PRTFDC1: variants seen among roughly 807,000 people sequenced by gnomAD.
PRTFDC1 encodes the protein phosphoribosyltransferase domain-containing protein 1.
Under a neutral mutation model 34.6 loss-of-function variants are expected in PRTFDC1, and 38 were observed. That is an observed-to-expected ratio of 1.10 (90% CI 0.85 to 1.44). The LOEUF is 1.44. Ranked by LOEUF, PRTFDC1 falls within the 40% of genes most tolerant of loss-of-function variation. The probability of loss-of-function intolerance (pLI) is 0.00; values close to 1 mark genes in which losing one functional copy is unlikely to be tolerated. For synonymous variants in PRTFDC1, 93 were observed against 98.1 expected, an observed-to-expected ratio of 0.95 and a Z score of 0.31; for missense variants, 270 against 283.0, an observed-to-expected ratio of 0.95 and a Z score of 0.33.
At chr10:24,939,793 C>CAAAAAAAAAAAAAAAAAAAAAAAAA (rs55974992) in intron 2 of PRTFDC1, among the ~76,000 whole-genome samples, 1 of 71,540 alleles carries the variant, frequency 1.4e-5, no homozygotes, top group African/African-American at 5.6e-5. Flanking sequence ...GACTCTATCT[C>CAAAAAAAAAAAAAAAAAAAAAAAAA]AAAAAAAAAA....
chr10:24,905,776 A>G (rs1328125592), intron 3 of PRTFDC1, among the ~76,000 whole-genome samples: 2 of 152,124 alleles, frequency 1.3e-5, no homozygotes, highest in East Asian at 3.9e-4. Flanking sequence ...TCAGTTATCT[A>G]TTAATTTAAT....
chr10:24,947,831 A>G (rs1298032365), intron 1 of PRTFDC1, among the ~76,000 whole-genome samples: 1 of 152,032 alleles, frequency 6.6e-6, no homozygotes, highest in Non-Finnish European at 1.5e-5. Flanking sequence ...AAAGAATCCC[A>G]GACAGGAATT....
At chr10:24,897,171 C>T (rs556570773) in intron 3 of PRTFDC1, among the ~76,000 whole-genome samples, 4 of 152,250 alleles carry the variant, frequency 2.6e-5, no homozygotes, top group African/African-American at 9.6e-5. Context: ...TATGAAGCCA[C>T]TATACTCCAG....
intron 3 of PRTFDC1, among the ~76,000 whole-genome samples, chr10:24,900,840 TA>T (rs1848438454): frequency 6.6e-6 from 1 of 152,222 alleles, no homozygotes; most frequent in African/African-American, 2.4e-5. Flanking sequence ...ACATTTTATA[TA>T]AATAAAAATC....
intron 3 of PRTFDC1, among the ~76,000 whole-genome samples, chr10:24,902,060 A>G (rs1848458404): frequency 6.6e-6 from 1 of 152,218 alleles, no homozygotes; most frequent in Admixed American, 6.5e-5. Context: ...ATCCCTGCAC[A>G]GCTGCAGTGG....
intron 3 of PRTFDC1, among the ~76,000 whole-genome samples, chr10:24,931,292 C>T (rs1564316755): frequency 6.6e-6 from 1 of 151,882 alleles, no homozygotes; most frequent in Non-Finnish European, 1.5e-5. Flanking sequence ...AAGAAAATCT[C>T]AAATCTATGA....
intron 3 of PRTFDC1, among the ~76,000 whole-genome samples, chr10:24,885,299 T>C (rs1588591350): frequency 6.6e-6 from 1 of 152,370 alleles, no homozygotes; most frequent in East Asian, 1.9e-4. Context: ...ATTACTTACA[T>C]GAATCCTAAC....
chr10:24,891,666 C>G, intron 3 of PRTFDC1, among the ~76,000 whole-genome samples: 1 of 151,920 alleles, frequency 6.6e-6, no homozygotes, highest in South Asian at 2.1e-4. Context: ...ACTCGGGAGG[C>G]TGAGGTGTGA....
At position 24,852,365 on chromosome 10, in the gene PRTFDC1, C is replaced by T. The variant is rs542038957; in HGVS notation, c.554-901G>A. Among the ~76,000 whole-genome samples the T allele has an allele frequency of 2.3e-3, 355 of 152,196 alleles. 2 individuals are homozygous for T. The highest frequency in any genetic ancestry group is 7.9e-3 in the African/African-American group (327 of 41,528). On this transcript the variant is annotated intron_variant, in intron 7 of 8. Coordinates refer to ENST00000320152, the MANE Select transcript of PRTFDC1 (RefSeq NM_020200.7). ...ATGGGGTTTCACCATGTTGGCCAGGCCAGTCTCGAACTCTTGACCTCAAGT... is the reference window on the plus strand; with the variant it reads ...ATGGGGTTTCACCATGTTGGCCAGGTCAGTCTCGAACTCTTGACCTCAAGT...
At chr10:24,908,693 A>G in intron 3 of PRTFDC1, 1 of 1,585,910 alleles carries the variant, frequency 6.3e-7, no homozygotes, top group Non-Finnish European at 8.6e-7. Flanking sequence ...CAGCTTTGGG[A>G]GAGACACACA....
intron 3 of PRTFDC1, among the ~76,000 whole-genome samples, chr10:24,916,553 A>G (rs112590449): frequency 5.9e-5 from 9 of 152,218 alleles, no homozygotes; most frequent in East Asian, 1.9e-4. Flanking sequence ...TGTCAAGCAC[A>G]TTGCCACCTA....
intron 4 of PRTFDC1, among the ~76,000 whole-genome samples, chr10:24,869,738 G>C (rs1020783312): frequency 5.9e-5 from 9 of 152,276 alleles, no homozygotes; most frequent in Admixed American, 5.9e-4. Context: ...TCTCCTATGA[G>C]GAAGCCTTTC....
At chr10:24,873,539 T>C (rs530388684) in intron 3 of PRTFDC1, among the ~76,000 whole-genome samples, 1 of 152,338 alleles carries the variant, frequency 6.6e-6, no homozygotes, top group Non-Finnish European at 1.5e-5. Flanking sequence ...TCACTTTTGC[T>C]AGCTCAGCAC....
intron 3 of PRTFDC1, among the ~76,000 whole-genome samples, chr10:24,894,257 GGAACCAGAGGTTGCAGTGAGCCAA>G (rs1314597367): frequency 1.3e-5 from 2 of 151,670 alleles, no homozygotes; most frequent in African/African-American, 4.9e-5. Flanking sequence ...CTTGAACCTG[GGAACCAGAGGTTGCAGTGAGCCAA>G]GATCATGCTG....
chr10:24,879,630 G>A (rs1223966363), intron 3 of PRTFDC1, among the ~76,000 whole-genome samples: 1 of 152,124 alleles, frequency 6.6e-6, no homozygotes, highest in East Asian at 1.9e-4. Flanking sequence ...TTACAGGAAT[G>A]AGCCACCATG....
chr10:24,880,183 T>C (rs1848041886), intron 3 of PRTFDC1, among the ~76,000 whole-genome samples: 1 of 152,228 alleles, frequency 6.6e-6, no homozygotes, highest in Non-Finnish European at 1.5e-5. Flanking sequence ...GCCTGGTATT[T>C]TATAATAAAT....
In PRTFDC1 at chr10:24,851,433, C is replaced by A. The variant is rs1277182257; in HGVS notation, c.585G>T (p.Val195=). The A allele has an allele frequency of 6.2e-7, 1 of 1,611,752 alleles. No individual in the cohort carries two copies. The highest frequency in any genetic ancestry group is 8.5e-7 in the Non-Finnish European group (1 of 1,179,534). Residue 195 remains valine (V), a synonymous_variant, in exon 8 of 9, where the codon GTG becomes GTT. Coordinates refer to ENST00000320152, the MANE Select transcript of PRTFDC1 (RefSeq NM_020200.7). ...CATTGTAATCTAAGGCATATCCCAC[C>A]ACAAATAAGTTTGGAATCTCAAATC... is the stretch of plus-strand genomic sequence containing the variant. ...YAGFEIPNLF[V]VGYALDYNEY...
intron 3 of PRTFDC1, among the ~76,000 whole-genome samples, chr10:24,875,481 T>C (rs1412167480): frequency 6.6e-6 from 1 of 152,132 alleles, no homozygotes; most frequent in Non-Finnish European, 1.5e-5. Context: ...ATATTACACA[T>C]ATAAATGCAA....
chr10:24,872,400 C>T (rs1847886145), intron 3 of PRTFDC1, among the ~76,000 whole-genome samples: 1 of 152,134 alleles, frequency 6.6e-6, no homozygotes, highest in Admixed American at 6.6e-5. Flanking sequence ...AGTCATGCTT[C>T]TGTGTTTTGC....
Sources: gnomAD v4.1 joint callset for allele counts (sites outside exome capture counted in the v4.1 genomes callset) on GRCh38, gnomAD v4.1.1 for gene constraint, MANE v1.5 for transcripts, NCBI Gene and HGNC (gene_info 2026-07-23, HGNC 2026-07-21) for gene names.